The following GOLGA4 variants were observed in gnomAD, a reference collection of about 807,000 sequenced individuals.
The protein encoded by GOLGA4 is golgin A4.
In GOLGA4, 169 loss-of-function variants were observed where a neutral mutation model predicts 265.9. The ratio of observed to expected loss-of-function variants is 0.64; its 90% CI spans 0.56 to 0.72. GOLGA4 has a LOEUF of 0.72. Among genes scored for constraint, GOLGA4 ranks in the 30% least tolerant of loss-of-function variants. The pLI is 0.00. For missense variants in GOLGA4, 2,482 were observed against 2,483.4 expected (o/e 1.00, Z 0.01); for synonymous variants, 923 against 855.8 (o/e 1.08, Z -1.37).
Position 37,326,657 on chromosome 3 carries a change from G to C in GOLGA4, c.4771G>C (p.Glu1591Gln), listed in dbSNP as rs745678831. 1 of 1,611,392 alleles carries C rather than the reference G, an allele frequency of 6.2e-7. No homozygotes were observed. Among genetic ancestry groups the C allele is most frequent in the Non-Finnish European group, 8.5e-7 (1 of 1,179,066 alleles). ...KEAEEKILTL[E>Q]NQVYSMKAEL... ...AGCTGAAGAAAAAATCTTAACACTT[G>C]AAAACCAAGTTTATTCCATGAAAGC... The change falls in exon 14 of 24, where the codon GAA (glutamate) becomes CAA (glutamine). Residue 1591 changes from glutamate to glutamine, a missense_variant. This residue lies in a region of GOLGA4 where 942 missense variants were observed against 983.1 expected (regional missense o/e 0.96). Transcript: ENST00000361924.
chr3:37,358,835 G>A (rs961072826), intron 22 of GOLGA4, among the ~76,000 whole-genome samples: 1 of 152,150 alleles, frequency 6.6e-6, no homozygotes. Context: ...GTACCTTAGA[G>A]TGCCAGCGAC....
intron 16 of GOLGA4, among the ~76,000 whole-genome samples, chr3:37,333,421 A>T (rs549820289): frequency 6.6e-6 from 1 of 152,318 alleles, no homozygotes; most frequent in East Asian, 1.9e-4. Flanking sequence ...AGGCTTTTAT[A>T]AAGGAAATTA....
intron 10 of GOLGA4, among the ~76,000 whole-genome samples, chr3:37,306,742 CT>C (rs766765669): frequency 6.6e-6 from 1 of 151,886 alleles, no homozygotes; most frequent in African/African-American, 2.4e-5. Flanking sequence ...GTTATTGACA[CT>C]TTTACGTGTT....
chr3:37,332,805 G>T (rs187517891), intron 16 of GOLGA4, among the ~76,000 whole-genome samples: 307 of 151,928 alleles, frequency 2.0e-3, no homozygotes, highest in African/African-American at 7.1e-3. Context: ...CTACTCAAAA[G>T]GTAGCTTTTT....
intron 10 of GOLGA4, among the ~76,000 whole-genome samples, chr3:37,312,587 A>G (rs879585055): frequency 2.0e-5 from 3 of 151,812 alleles, no homozygotes; most frequent in Non-Finnish European, 2.9e-5. Flanking sequence ...CAGTGGCACA[A>G]TCACTGCTCA....
In GOLGA4 at chr3:37,325,599, T is replaced by G. The variant is rs767926574; in HGVS notation, c.3713T>G (p.Ile1238Ser). Residue 1238 changes from isoleucine to serine, a missense_variant, in exon 14 of 24, where the codon ATT becomes AGT. Transcript: ENST00000361924. ...LEAKTNELIN[I>S]SSSKTNAILS... The stretch of plus-strand genomic sequence containing the variant: ...GCTAAAACAAATGAGCTAATCAACA[T>G]TAGTAGTAGTAAAACTAATGCCATT... 8 of 1,613,078 alleles carry G rather than the reference T, an allele frequency of 5.0e-6. No individual in the cohort carries two copies. The highest frequency in any genetic ancestry group is 1.7e-5 in the Admixed American group (1 of 60,002).
At chr3:37,275,442 T>C (rs1458202084) in intron 2 of GOLGA4, among the ~76,000 whole-genome samples, 1 of 152,120 alleles carries the variant, frequency 6.6e-6, no homozygotes, top group Admixed American at 6.5e-5. Context: ...CATAATTTTC[T>C]ATAAGTGCCA....
chr3:37,260,875 A>G (rs1435080847), intron 2 of GOLGA4, among the ~76,000 whole-genome samples: 1 of 152,072 alleles, frequency 6.6e-6, no homozygotes, highest in Non-Finnish European at 1.5e-5. Flanking sequence ...CACATGGGAA[A>G]GGACTGCTAG....
At chr3:37,305,267 A>C (rs1418015679) in intron 10 of GOLGA4, among the ~76,000 whole-genome samples, 1 of 152,222 alleles carries the variant, frequency 6.6e-6, no homozygotes, top group East Asian at 1.9e-4. Flanking sequence ...TCTTTAGATA[A>C]CAAAGTTGTA....
intron 10 of GOLGA4, among the ~76,000 whole-genome samples, chr3:37,307,250 AT>A (rs1219558689): frequency 1.3e-5 from 2 of 152,188 alleles, no homozygotes; most frequent in African/African-American, 4.8e-5. Flanking sequence ...TGCAGGAAAT[AT>A]GTTTTTTATT....
intron 11 of GOLGA4, among the ~76,000 whole-genome samples, chr3:37,318,518 T>C (rs1202513023): frequency 6.6e-6 from 1 of 152,158 alleles, no homozygotes; most frequent in Non-Finnish European, 1.5e-5. Flanking sequence ...TAGTGTTGGT[T>C]ATTCTTGCAT....
intron 4 of GOLGA4, among the ~76,000 whole-genome samples, chr3:37,286,347 G>T (rs539306456): frequency 2.0e-5 from 3 of 150,388 alleles, no homozygotes; most frequent in South Asian, 2.1e-4. Flanking sequence ...TAGAGACGGG[G>T]TTTCACCTTG....
At chr3:37,268,191 T>C (rs2096788729) in intron 2 of GOLGA4, among the ~76,000 whole-genome samples, 1 of 152,026 alleles carries the variant, frequency 6.6e-6, no homozygotes, top group African/African-American at 2.4e-5. Context: ...AAGCAGTCCT[T>C]CTTCCTCAGC....
At chr3:37,282,843 TC>T (rs2096838476) in intron 3 of GOLGA4, among the ~76,000 whole-genome samples, 1 of 152,236 alleles carries the variant, frequency 6.6e-6, no homozygotes, top group African/African-American at 2.4e-5. Flanking sequence ...TCAATGCTAG[TC>T]CATTTCACTT....
chr3:37,323,770 T>A lies in GOLGA4; in HGVS notation c.1884T>A (p.Thr628=). ...AGCATCAGCAGGATGCCCTTTGGAC[T>A]GAAAAACTCCAAGTCTTAAAGCAAC... ...SLKHQQDALW[T]EKLQVLKQQY... The change falls in exon 14 of 24, where the codon ACT becomes ACA. Residue 628 remains threonine, a synonymous_variant. Transcript: ENST00000361924. 6.2e-7 allele frequency: 1 copy of A among 1,610,120 alleles called. No individual in the cohort carries two copies. The highest frequency in any genetic ancestry group is 8.5e-7 in the Non-Finnish European group (1 of 1,179,072).
rs1208235349 is a variant in GOLGA4 at position 37,257,928 on chromosome 3, T to C, written c.162+6444T>C. Among the ~76,000 whole-genome samples, 22 of 114,290 alleles carry C rather than the reference T, an allele frequency of 1.9e-4. 1 individual carries two copies. The highest frequency in any genetic ancestry group is 2.5e-4 in the African/African-American group (6 of 24,038). 75.0% of individuals were successfully genotyped at this position (114,290 alleles called of 152,430 possible). ...ATATATATATATGTATGTATATATG[T>C]ATATATACATACATATATATGTATG... On this transcript the variant is annotated intron_variant, in intron 2 of 23. Transcript: ENST00000361924.
chr3:37,361,862 CTTTAATT>C (rs1696298879), intron 23 of GOLGA4, among the ~76,000 whole-genome samples: 1 of 152,228 alleles, frequency 6.6e-6, no homozygotes, highest in African/African-American at 2.4e-5. Flanking sequence ...AGGCAGCCTA[CTTTAATT>C]GAATGTGATT....
intron 21 of GOLGA4, among the ~76,000 whole-genome samples, chr3:37,349,423 A>C (rs1413491326): frequency 1.3e-5 from 2 of 152,108 alleles, no homozygotes; most frequent in East Asian, 3.9e-4. Context: ...TTAGATTTTG[A>C]TAGATAAGCC....
intron 21 of GOLGA4, among the ~76,000 whole-genome samples, chr3:37,349,666 TTTTTAGACATGTC>T (rs1194232828): frequency 6.6e-6 from 1 of 152,106 alleles, no homozygotes; most frequent in African/African-American, 2.4e-5. Context: ...ATCAGAGCTG[TTTTTAGACATGTC>T]TTTTGTGGGT....
Sources: gnomAD v4.1 joint callset for allele counts (sites outside exome capture counted in the v4.1 genomes callset) on GRCh38, gnomAD v4.1.1 for gene constraint, gnomAD v4.1.1 regional missense constraint, MANE v1.5 for transcripts, NCBI Gene and HGNC (gene_info 2026-07-23, HGNC 2026-07-21) for gene names.